The following EML1 variants were observed in gnomAD, a reference collection of about 807,000 sequenced individuals.
The protein encoded by EML1 is echinoderm microtubule-associated protein-like 1.
EML1 carries 27 observed loss-of-function variants against 110.4 expected under a neutral mutation model. The observed-to-expected ratio is 0.24, with a 90% CI of 0.18 to 0.34. The LOEUF (loss-of-function observed/expected upper bound fraction) is 0.34. Among genes scored for constraint, EML1 ranks in the 10% least tolerant of loss-of-function variants. The pLI, the probability that EML1 is intolerant of heterozygous loss-of-function variation, is 1.00. For synonymous variants in EML1, 344 were observed against 385.8 expected (o/e 0.89, Z 1.27); for missense variants, 741 against 1,030.9 (o/e 0.72, Z 3.85).
At chr14:99,785,142 C>T (rs2057584677) in intron 1 of EML1, among the ~76,000 whole-genome samples, 1 of 152,094 alleles carries the variant, frequency 6.6e-6, no homozygotes, top group African/African-American at 2.4e-5. Context: ...GCAACCTCCA[C>T]CTCCCAGGTT....
chr14:99,773,724 G>C (rs1200592086), exon 1 of EML1: 2 of 152,292 alleles, frequency 1.3e-5, no homozygotes, highest in African/African-American at 4.8e-5. Context: ...AGCCTGGATG[G>C]GAAGAGGAGC....
chr14:99,933,721 T>G (rs1485093620), intron 17 of EML1, among the ~76,000 whole-genome samples: 3 of 152,196 alleles, frequency 2.0e-5, no homozygotes, highest in Non-Finnish European at 2.9e-5. Context: ...CTTCACGAGG[T>G]TGTTACGAAG....
At chr14:99,740,821 C>A (rs2057033535) in intron 1 of EML1, among the ~76,000 whole-genome samples, 1 of 152,206 alleles carries the variant, frequency 6.6e-6, no homozygotes, top group Admixed American at 6.5e-5. Flanking sequence ...GTGCTTGGCA[C>A]CTGCCTGGCA....
At chr14:99,809,021 G>A (rs1013514046) in intron 1 of EML1, among the ~76,000 whole-genome samples, 16 of 152,216 alleles carry the variant, frequency 1.1e-4, no homozygotes, top group South Asian at 2.1e-4. Flanking sequence ...TAGGTCTCCC[G>A]AAAAAAACCC....
chr14:99,834,449 A>G (rs988900967), intron 1 of EML1, among the ~76,000 whole-genome samples: 2 of 151,850 alleles, frequency 1.3e-5, no homozygotes, highest in South Asian at 2.1e-4. Flanking sequence ...CTACAGGTGC[A>G]CGCCACCATG....
chr14:99,786,061 CAAAA>C (rs56240053), intron 1 of EML1, among the ~76,000 whole-genome samples: 17,020 of 120,088 alleles, frequency 0.14, 1,033 homozygotes, highest in East Asian at 0.32. Flanking sequence ...CCTGGCTGCT[CAAAA>C]AAAAAAAAAA....
chr14:99,851,330 C>CA (rs1364479478), intron 2 of EML1, among the ~76,000 whole-genome samples: 1 of 151,436 alleles, frequency 6.6e-6, no homozygotes, highest in East Asian at 1.9e-4. Context: ...TTTTTTGAGA[C>CA]AGAGTCTCGC....
At chr14:99,777,940 A>T (rs753325690) in intron 1 of EML1, among the ~76,000 whole-genome samples, 1 of 152,076 alleles carries the variant, frequency 6.6e-6, no homozygotes, top group Non-Finnish European at 1.5e-5. Context: ...ACACACCACC[A>T]TGCCTGGCTA....
chr14:99,897,563 T>C (rs1458738439), intron 7 of EML1, among the ~76,000 whole-genome samples: 1 of 152,146 alleles, frequency 6.6e-6, no homozygotes, highest in African/African-American at 2.4e-5. Flanking sequence ...GTCCGCTCAC[T>C]ACTGCGCTCC....
At chr14:99,796,909 ATGTGTGTG>A (rs369237790) in intron 1 of EML1, among the ~76,000 whole-genome samples, 13 of 142,670 alleles carry the variant, frequency 9.1e-5, no homozygotes, top group African/African-American at 2.3e-4. Flanking sequence ...TTGTGTGTGT[ATGTGTGTG>A]TGTGTGTGTG....
intron 1 of EML1, among the ~76,000 whole-genome samples, chr14:99,763,084 A>G (rs563650379): frequency 3.3e-5 from 5 of 152,212 alleles, no homozygotes; most frequent in African/African-American, 1.2e-4. Context: ...GAGATCTGAC[A>G]GTTTTATAAG....
chr14:99,901,281 G>GC (rs1447991152), intron 9 of EML1, among the ~76,000 whole-genome samples: 2 of 152,092 alleles, frequency 1.3e-5, no homozygotes, highest in Admixed American at 6.5e-5. Flanking sequence ...ATGAAAACAG[G>GC]CCCCCAGAGA....
chr14:99,892,201 C>T, intron 5 of EML1: 2 of 985,404 alleles, frequency 2.0e-6, no homozygotes, highest in African/African-American at 1.7e-5. Flanking sequence ...CAAAGGTAGG[C>T]AGCATTTCTG....
intron 9 of EML1, among the ~76,000 whole-genome samples, chr14:99,901,573 C>T (rs1043489617): frequency 1.3e-5 from 2 of 152,164 alleles, no homozygotes; most frequent in Non-Finnish European, 2.9e-5. Context: ...ATGACTATTT[C>T]TTGATGATAT....
At position 99,920,806 on chromosome 14, in the gene EML1, C is replaced by A; in HGVS notation, c.1838C>A (p.Thr613Lys). 1 of 1,613,324 alleles carries A rather than the reference C, an allele frequency of 6.2e-7. No homozygotes were observed. Among genetic ancestry groups the A allele is most frequent in the Non-Finnish European group, 8.5e-7 (1 of 1,179,772 alleles). The change falls in exon 17 of 22, where the codon ACA becomes AAA. Residue 613 changes from threonine (T) to lysine (K), a missense_variant. By Grantham distance (78) the Thr-to-Lys change is moderately conservative (BLOSUM62 -1). Coordinates refer to ENST00000262233, the MANE Select transcript of EML1 (RefSeq NM_004434.3). ...TLTGRWFVFD[T>K]ETKDLVTVHT... Reference sequence around the variant, plus strand: ...GATAACAGGTGGTTTGTGTTTGACACAGAAACAAAAGACTTGGTCACCGTT... The same window carrying A: ...GATAACAGGTGGTTTGTGTTTGACAAAGAAACAAAAGACTTGGTCACCGTT...
chr14:99,797,418 A>C (rs189213451), intron 1 of EML1, among the ~76,000 whole-genome samples: 1 of 152,282 alleles, frequency 6.6e-6, no homozygotes, highest in East Asian at 1.9e-4. Flanking sequence ...ACTCACATGC[A>C]CATTTTTGTG....
At chr14:99,900,852 T>TA in intron 8 of EML1, 77 bp from the exon 9 acceptor site, 1 of 1,264,368 alleles carries the variant, frequency 7.9e-7, no homozygotes, top group Non-Finnish European at 1.1e-6. Context: ...ACTGCCCAAG[T>TA]AATCTTGTAG....
chr14:99,871,888 G>A (rs1169017448), intron 3 of EML1, among the ~76,000 whole-genome samples: 6 of 152,194 alleles, frequency 3.9e-5, no homozygotes, highest in Admixed American at 6.5e-5. Flanking sequence ...TGGCAGGGTC[G>A]TGTGGCTGGA....
intron 1 of EML1, among the ~76,000 whole-genome samples, chr14:99,800,147 A>G (rs940572333): frequency 1.3e-5 from 2 of 152,100 alleles, no homozygotes; most frequent in African/African-American, 4.8e-5. Context: ...ACCACCCGTC[A>G]CCCCCAGCTT....
Sources: allele counts gnomAD v4.1 joint callset (sites outside exome capture counted in the v4.1 genomes callset), GRCh38; gene constraint gnomAD v4.1.1; transcripts MANE v1.5; gene names NCBI Gene and HGNC (gene_info 2026-07-23, HGNC 2026-07-21).